CEP104: variants seen among roughly 807,000 people sequenced by gnomAD.
The protein encoded by CEP104 is centrosomal protein of 104 kDa.
A neutral mutation model predicts 113.3 loss-of-function variants in CEP104; 84 were observed. The ratio of observed to expected loss-of-function variants is 0.74; its 90% CI spans 0.62 to 0.89. The LOEUF (loss-of-function observed/expected upper bound fraction) is 0.89, where lower values mean the gene tolerates loss of function less well. Among genes scored for constraint, CEP104 ranks in the 40% least tolerant of loss-of-function variants. The pLI is 0.00. For synonymous variants in CEP104, 378 were observed against 421.7 expected (o/e 0.90, Z 1.27); for missense variants, 1,053 against 1,156.6 (o/e 0.91, Z 1.30).
chr1:3,814,476 T>G lies in CEP104; in HGVS notation c.*926A>C, dbSNP rs1371067768. 1 of 152,226 alleles carries G rather than the reference T, an allele frequency of 6.6e-6. No homozygotes were observed. The highest frequency in any genetic ancestry group is 1.5e-5 in the Non-Finnish European group (1 of 68,044). The allele number at this position is 152,226 out of a possible 1,614,324, so 9.4% of individuals were successfully genotyped here. A position where few individuals can be genotyped will look rare whatever the true frequency, so the allele number is the denominator to read the frequency against. On this transcript the variant is annotated 3_prime_UTR_variant, in exon 22 of 22. Transcript: ENST00000378230. The stretch of plus-strand genomic sequence containing the variant: ...TCTTTGAAGAAAGTAAACTTATGGA[T>G]CCAATCACAACATGGATGTGGAAGG...
At chr1:3,856,652 GGCGGTCCCA>G in intron 1 of CEP104, among the ~76,000 whole-genome samples, 1 of 152,332 alleles carries the variant, frequency 6.6e-6, no homozygotes, top group African/African-American at 2.4e-5. Flanking sequence ...GGCCGGGGCA[GGCGGTCCCA>G]GCACCCGTGC....
At chr1:3,816,086 G>A (rs372424927) in intron 21 of CEP104, 194 bp downstream of exon 21, 94 of 537,962 alleles carry the variant, frequency 1.7e-4, no homozygotes, top group African/African-American at 1.6e-3. Flanking sequence ...TGCAGGTGGA[G>A]AAGGATTTTG....
At position 3,823,684 on chromosome 1, in the gene CEP104, T is replaced by C; in HGVS notation, c.2365-122A>G. Reference sequence around the variant, plus strand: ...AGGTCTGTGCCGCCTGCACATGAAGTAAGCCACAGGCTTCTATCTTCGGCA... The same window carrying C: ...AGGTCTGTGCCGCCTGCACATGAAGCAAGCCACAGGCTTCTATCTTCGGCA... On this transcript the variant is annotated intron_variant, in intron 18 of 21. Coordinates refer to ENST00000378230, the MANE Select transcript of CEP104 (RefSeq NM_014704.4). The surrounding 1 kb of genome is among the most constrained non-coding windows in gnomAD (Gnocchi z 4.1). 2.6e-6 allele frequency: 3 copies of C among 1,159,822 alleles called. No homozygotes were observed. The highest frequency in any genetic ancestry group is 3.7e-6 in the Non-Finnish European group (3 of 803,992). The allele number at this position is 1,159,822 out of a possible 1,614,324, so 71.8% of individuals were successfully genotyped here.
Position 3,848,689 on chromosome 1 carries a change from G to T in CEP104, c.206C>A (p.Ser69Ter), listed in dbSNP as rs1644554903. 6.2e-7 allele frequency: 1 copy of T among 1,613,814 alleles called. No individual in the cohort carries two copies. Among genetic ancestry groups the T allele is most frequent in the Non-Finnish European group, 8.5e-7 (1 of 1,179,858 alleles). ...LQLLAHQYMI[S>*]SKIEFYISES... ...ACTAATGTAGAACTCAATTTTACTTGAAATCATATACTGGTGAGCAAGTAA... is the reference window on the plus strand; with the variant it reads ...ACTAATGTAGAACTCAATTTTACTTTAAATCATATACTGGTGAGCAAGTAA... Residue 69 changes from serine to a stop codon, truncating the protein, a stop_gained, in exon 3 of 22, where the codon TCA (serine) becomes TAA (stop). Transcript: ENST00000378230. LOFTEE classifies it high-confidence loss of function.
intron 15 of CEP104, among the ~76,000 whole-genome samples, chr1:3,827,191 C>T (rs1447558649): frequency 6.6e-6 from 1 of 152,128 alleles, no homozygotes; most frequent in Non-Finnish European, 1.5e-5. Context: ...AGACACCCAC[C>T]CTGCCCCTAA....
intron 14 of CEP104, 66 bp downstream of exon 14, chr1:3,829,725 G>C: frequency 2.7e-6 from 4 of 1,476,896 alleles, no homozygotes; most frequent in Non-Finnish European, 3.8e-6. Context: ...ACTTATTTAC[G>C]TACCGAGTAA....
chr1:3,838,868 T>C, intron 8 of CEP104, 96 bp downstream of exon 8: 1 of 1,346,586 alleles, frequency 7.4e-7, no homozygotes, highest in South Asian at 1.2e-5. Flanking sequence ...TGTTTTACAC[T>C]ACACTTCAAA....
chr1:3,839,702 A>G lies in CEP104; in HGVS notation c.641T>C (p.Ile214Thr). ...MYQDPEVAQI[I>T]RKLDERKREA... ...CCGTTTTCTTTCATCTAATTTTCGT[A>G]TGATCTGTGCAACTTCTGGATCTTG... The change falls in exon 7 of 22, where the codon ATA becomes ACA. Residue 214 changes from isoleucine to threonine, a missense_variant. Physicochemically the swap from Ile to Thr is moderately conservative, Grantham distance 89. Transcript: ENST00000378230. 6.2e-7 allele frequency: 1 copy of G among 1,614,052 alleles called. No homozygotes were observed. Among genetic ancestry groups the G allele is most frequent in the East Asian group, 2.2e-5 (1 of 44,886 alleles).
chr1:3,855,927 A>G lies in CEP104; in HGVS notation c.-15+962T>C, dbSNP rs1265623795. The G allele has an allele frequency of 6.1e-6, 6 of 985,250 alleles. No homozygotes were observed. The South Asian group carries it at 2.3e-4, about 39-fold the overall frequency. The allele number at this position is 985,250 out of a possible 1,614,324, so 61.0% of individuals were successfully genotyped here. On this transcript the variant is annotated intron_variant, in intron 1 of 21. Transcript: ENST00000378230. The stretch of plus-strand genomic sequence containing the variant: ...AGGGGCAGCCATCGACATCCCGACA[A>G]ATGCCAGAGTACATCTCTCCCCAGG...
At chr1:3,847,368 T>G in intron 4 of CEP104, 107 bp downstream of exon 4, 1 of 1,143,066 alleles carries the variant, frequency 8.7e-7, no homozygotes, top group Non-Finnish European at 1.2e-6. Context: ...GAAGAGATCC[T>G]CTCTTATAAG....
rs895476582 is a variant in CEP104, at chr1:3,834,161, G to A, written c.1486-126C>T. The A allele has an allele frequency of 1.1e-5, 9 of 783,646 alleles. No individual in the cohort carries two copies. The African/African-American group carries it at 1.6e-4, about 14-fold the overall frequency. 48.5% of individuals were successfully genotyped at this position (783,646 alleles called of 1,614,324 possible). On this transcript the variant is annotated intron_variant, in intron 11 of 21. Transcript: ENST00000378230. ...AAAATGACATCTCGTCTGAAAGGCT[G>A]AAAATTGCAAACTGAAAACTGCTTT... is the stretch of plus-strand genomic sequence containing the variant.
intron 4 of CEP104, among the ~76,000 whole-genome samples, chr1:3,846,059 A>G (rs1417441958): frequency 6.6e-6 from 1 of 150,986 alleles, no homozygotes; most frequent in Admixed American, 6.6e-5. Flanking sequence ...AGCCTAGGCA[A>G]CAAGAGTCAA....
In CEP104 at chr1:3,819,913, T is replaced by G. The variant is rs1643938798; in HGVS notation, c.2571+3261A>C. Among the ~76,000 whole-genome samples the G allele has an allele frequency of 6.6e-6, 1 of 151,758 alleles. No homozygotes were observed. The highest frequency in any genetic ancestry group is 1.5e-5 in the Non-Finnish European group (1 of 67,926). On this transcript the variant is annotated intron_variant, in intron 20 of 21. Coordinates refer to ENST00000378230, the MANE Select transcript of CEP104 (RefSeq NM_014704.4). This position sits in a 1 kb window ranked among gnomAD's most constrained non-coding sequence, Gnocchi z 4.6. ...ACGGTGGGGGCCTCTAGGAGTTGAG[T>G]GGCTCCGGGTTGACAGCCCCCAAGA...
At chr1:3,851,095 C>T (rs566517551) in intron 2 of CEP104, among the ~76,000 whole-genome samples, 2 of 152,184 alleles carry the variant, frequency 1.3e-5, no homozygotes, top group East Asian at 2.0e-4. Context: ...CAGGCTGGAC[C>T]GTGTTAATGC....
rs1276211000 is a variant in CEP104 at position 3,852,303 on chromosome 1, C to T, written c.105G>A (p.Arg35=). Residue 35 remains arginine (R), a synonymous_variant, in exon 2 of 22, where the codon CGG becomes CGA. Transcript: ENST00000378230. The part of the protein sequence containing the change: ...MIHAPTVSGW[R]SPRFCQFPQE... Reference sequence around the variant, plus strand: ...CCCCGTCCAGTCCTCACCTAGGTGACCGCCACCCACTGACAGTTGGCGCGT... The same window carrying T: ...CCCCGTCCAGTCCTCACCTAGGTGATCGCCACCCACTGACAGTTGGCGCGT... 1 of 1,613,424 alleles carries T rather than the reference C, an allele frequency of 6.2e-7. No individual in the cohort carries two copies. Among genetic ancestry groups the T allele is most frequent in the Non-Finnish European group, 8.5e-7 (1 of 1,179,874 alleles).
rs371734853 is a variant in CEP104 at position 3,815,386 on chromosome 1, G to A, written c.*16C>T. On this transcript the variant is annotated 3_prime_UTR_variant, in exon 22 of 22. Transcript: ENST00000378230. Reference sequence around the variant, plus strand: ...CGCTCCATCCCTCACAGAGACCAAGGAGCCCGAGCGCCGCGTCAGCGCTTG... The same window carrying A: ...CGCTCCATCCCTCACAGAGACCAAGAAGCCCGAGCGCCGCGTCAGCGCTTG... 828 of 1,576,330 alleles carry A rather than the reference G, an allele frequency of 5.3e-4. No individual in the cohort carries two copies. Among genetic ancestry groups the A allele is most frequent in the Non-Finnish European group, 6.9e-4 (802 of 1,155,116 alleles).
rs1643879726 is a variant in CEP104, at chr1:3,816,317, C to T, written c.2625G>A (p.Lys875=). Residue 875 remains lysine (K), a synonymous_variant, in exon 21 of 22, where the codon AAG becomes AAA. Coordinates refer to ENST00000378230, the MANE Select transcript of CEP104 (RefSeq NM_014704.4). ...CCGGGGCCTTCTGCAGAATGTGTGTCTTGCGCAGGTTCATCGTGCAGCCGG... is the reference window on the plus strand; with the variant it reads ...CCGGGGCCTTCTGCAGAATGTGTGTTTTGCGCAGGTTCATCGTGCAGCCGG... ...GPAGCTMNLR[K]THILQKAPAL... is the part of the protein sequence containing the mutation. 1.3e-6 allele frequency: 2 copies of T among 1,553,618 alleles called. No homozygotes were observed. Among genetic ancestry groups the T allele is most frequent in the African/African-American group, 1.4e-5 (1 of 73,256 alleles).
rs1056366590 is a variant in CEP104 at position 3,839,732 on chromosome 1, A to G, written c.611T>C (p.Met204Thr). 4.3e-6 allele frequency: 7 copies of G among 1,613,478 alleles called. No individual in the cohort carries two copies. Among genetic ancestry groups the G allele is most frequent in the South Asian group, 1.1e-5 (1 of 90,884 alleles). Residue 204 changes from methionine (M) to threonine (T), a missense_variant, in exon 7 of 22, where the codon ATG (methionine) becomes ACG (threonine). By Grantham distance (81) the Met-to-Thr change is moderately conservative. Coordinates refer to ENST00000378230, the MANE Select transcript of CEP104 (RefSeq NM_014704.4). ...ISPLDDLAFD[M>T]YQDPEVAQII... ...CTGTGCAACTTCTGGATCTTGGTAC[A>G]TATCAAAAGCTAAGTCATCTAGCGG...
intron 12 of CEP104, among the ~76,000 whole-genome samples, chr1:3,832,398 CCA>C (rs2124662639): frequency 3.9e-5 from 2 of 51,458 alleles, no homozygotes; most frequent in South Asian, 9.5e-4. Context: ...TAGGTCGTGA[CCA>C]GGAGTGTAGC....
Sources: allele counts gnomAD v4.1 joint callset (sites outside exome capture counted in the v4.1 genomes callset), GRCh38; gene constraint gnomAD v4.1.1; non-coding constraint Gnocchi (gnomAD v3.1); transcripts MANE v1.5; gene names NCBI Gene and HGNC (gene_info 2026-07-23, HGNC 2026-07-21).